The following DIAPH2 variants were observed in gnomAD, a reference collection of about 807,000 sequenced individuals.
DIAPH2 encodes the protein protein diaphanous homolog 2.
A neutral mutation model predicts 92.7 loss-of-function variants in DIAPH2; 35 were observed. The ratio of observed to expected loss-of-function variants is 0.38; its 90% CI spans 0.29 to 0.50. DIAPH2 has a LOEUF of 0.50. Ranked by LOEUF, DIAPH2 falls within the 20% of genes least tolerant of loss-of-function variation. The pLI is 0.94. For missense variants in DIAPH2, 701 were observed against 819.5 expected, an observed-to-expected ratio of 0.86 and a Z score of 1.77; for synonymous variants, 301 against 280.4, an observed-to-expected ratio of 1.07 and a Z score of -0.73.
chrX:97,582,751 A>G (rs2071449170), intron 26 of DIAPH2, among the ~76,000 whole-genome samples: 1 of 110,637 alleles, frequency 9.0e-6, no homozygotes, highest in Non-Finnish European at 1.9e-5. Flanking sequence ...ATTCTCCTGG[A>G]TAATATCCTG....
At chrX:97,311,021 A>G (rs1602498197) in intron 23 of DIAPH2, among the ~76,000 whole-genome samples, 2 of 111,796 alleles carry the variant, frequency 1.8e-5, no homozygotes, top group African/African-American at 6.5e-5. Flanking sequence ...AAAATAAAAA[A>G]AAGAAAAAAT....
chrX:96,729,957 C>T (rs904976766), intron 1 of DIAPH2, among the ~76,000 whole-genome samples: 2 of 112,116 alleles, frequency 1.8e-5, no homozygotes, highest in Admixed American at 9.5e-5. Context: ...TCTGTAACTT[C>T]ATCTTCTCAA....
At chrX:97,300,966 G>GAAAAAAAAA (rs2068697171) in intron 23 of DIAPH2, among the ~76,000 whole-genome samples, 1 of 15,581 alleles carries the variant, frequency 6.4e-5, no homozygotes, top group East Asian at 3.7e-3. Flanking sequence ...AAAAAAAAAA[G>GAAAAAAAAA]AAGAAGAAGA....
chrX:97,556,822 C>T (rs895211702), intron 26 of DIAPH2, among the ~76,000 whole-genome samples: 5 of 111,672 alleles, frequency 4.5e-5, no homozygotes, highest in African/African-American at 1.3e-4. Flanking sequence ...GAATAATACG[C>T]GGTCTCTGAA....
rs191175945 is a variant in DIAPH2, at chrX:97,469,273, T to A, written c.3241+39528T>A. Among the ~76,000 whole-genome samples the A allele has an allele frequency of 5.7e-3, 640 of 112,025 alleles. 2 individuals are homozygous for A. Among genetic ancestry groups the A allele is most frequent in the African/African-American group, 0.02 (608 of 30,925 alleles). ...TGTTTAATGGAATAGACTGTCTAAA[T>A]CCCTGTTTTGAGAAGAGTTCACATT... is the stretch of plus-strand genomic sequence containing the variant. On this transcript the variant is annotated intron_variant, in intron 26 of 26. Coordinates refer to ENST00000324765, the MANE Select transcript of DIAPH2 (RefSeq NM_006729.5).
intron 25 of DIAPH2, among the ~76,000 whole-genome samples, chrX:97,393,580 A>T (rs2069679513): frequency 8.9e-6 from 1 of 111,953 alleles, no homozygotes; most frequent in Admixed American, 9.5e-5. Context: ...ACTTGGTCTA[A>T]TCTATGTTCT....
chrX:97,413,944 G>T (rs1483589591), intron 25 of DIAPH2, among the ~76,000 whole-genome samples: 1 of 111,974 alleles, frequency 8.9e-6, no homozygotes, highest in Non-Finnish European at 1.9e-5. Flanking sequence ...CTCATGGATA[G>T]GAAGATTAAT....
intron 26 of DIAPH2, among the ~76,000 whole-genome samples, chrX:97,550,252 C>T (rs1441398486): frequency 9.0e-6 from 1 of 111,502 alleles, no homozygotes; most frequent in Non-Finnish European, 1.9e-5. Context: ...CCAGCTACTC[C>T]GGAGGCGGAG....
At chrX:96,714,350 C>T (rs1307929951) in intron 1 of DIAPH2, among the ~76,000 whole-genome samples, 1 of 105,782 alleles carries the variant, frequency 9.5e-6, no homozygotes, top group Non-Finnish European at 1.9e-5. Flanking sequence ...CCGCAACCTA[C>T]ACCTCCCAGG....
intron 25 of DIAPH2, among the ~76,000 whole-genome samples, chrX:97,413,693 T>A (rs1352466888): frequency 8.9e-6 from 1 of 112,087 alleles, no homozygotes; most frequent in Admixed American, 9.4e-5. Context: ...ATAATCAACT[T>A]CAGCAAAGTT....
intron 4 of DIAPH2, among the ~76,000 whole-genome samples, chrX:96,880,182 T>C (rs1235669067): frequency 2.7e-5 from 3 of 111,947 alleles, no homozygotes; most frequent in Non-Finnish European, 5.6e-5. Context: ...CACACTTTTA[T>C]TGAAGCTCAC....
chrX:97,336,402 C>T (rs1013575874), intron 23 of DIAPH2, among the ~76,000 whole-genome samples: 1 of 107,828 alleles, frequency 9.3e-6, no homozygotes, highest in African/African-American at 3.4e-5. Flanking sequence ...CCCGCCACCA[C>T]GCCCGGCTAA....
chrX:96,996,342 G>C (rs901754008), intron 17 of DIAPH2, among the ~76,000 whole-genome samples: 2 of 112,106 alleles, frequency 1.8e-5, no homozygotes, highest in African/African-American at 3.2e-5. Context: ...TAATTTTACA[G>C]AGTAAAACCT....
intron 4 of DIAPH2, among the ~76,000 whole-genome samples, chrX:96,871,984 G>A (rs1361229267): frequency 1.8e-5 from 2 of 112,046 alleles, no homozygotes; most frequent in South Asian, 3.7e-4. Flanking sequence ...AGAAGTCCAT[G>A]TGCCAAAAAG....
At chrX:97,307,167 A>G (rs1163099968) in intron 23 of DIAPH2, among the ~76,000 whole-genome samples, 1 of 112,248 alleles carries the variant, frequency 8.9e-6, no homozygotes, top group East Asian at 2.8e-4. Flanking sequence ...AATCACCAGG[A>G]TGATCTTGCC....
At chrX:97,091,617 A>C (rs1410918705) in intron 19 of DIAPH2, among the ~76,000 whole-genome samples, 1 of 111,114 alleles carries the variant, frequency 9.0e-6, no homozygotes, top group Non-Finnish European at 1.9e-5. Flanking sequence ...TGTTTCTCTA[A>C]TTATTTTTTT....
At chrX:96,869,723 G>A (rs776034155) in intron 4 of DIAPH2, among the ~76,000 whole-genome samples, 2 of 110,418 alleles carry the variant, frequency 1.8e-5, no homozygotes, top group Admixed American at 9.7e-5. Flanking sequence ...CTAGGCAATT[G>A]TTAACGAAAG....
chrX:97,296,845 G>T (rs1301748886), intron 23 of DIAPH2, among the ~76,000 whole-genome samples: 1 of 106,225 alleles, frequency 9.4e-6, no homozygotes, highest in Non-Finnish European at 1.9e-5. Flanking sequence ...TGGCATGATC[G>T]CGGCTCACCG....
chrX:97,266,630 G>A (rs1435704293), intron 23 of DIAPH2, among the ~76,000 whole-genome samples: 2 of 112,142 alleles, frequency 1.8e-5, no homozygotes, highest in African/African-American at 3.2e-5. Context: ...TGGGGTGGGA[G>A]TAAAAGAAAA....
Sources: allele counts gnomAD v4.1 joint callset (sites outside exome capture counted in the v4.1 genomes callset), GRCh38; gene constraint gnomAD v4.1.1; transcripts MANE v1.5; gene names NCBI Gene and HGNC (gene_info 2026-07-23, HGNC 2026-07-21).